Variants in MSI2 observed in about 807,000 individuals in gnomAD.
MSI2 encodes RNA-binding protein Musashi homolog 2.
In MSI2, 17 loss-of-function variants were observed where a neutral mutation model predicts 45.6. That is an observed-to-expected ratio of 0.37 (90% CI 0.26 to 0.56). The LOEUF is 0.56. Among genes scored for constraint, MSI2 ranks in the 20% least tolerant of loss-of-function variants. The pLI is 0.77. For missense variants in MSI2, 293 were observed against 444.2 expected (o/e 0.66, Z 3.06); for synonymous variants, 156 against 158.2 (o/e 0.99, Z 0.11).
intron 6 of MSI2, among the ~76,000 whole-genome samples, chr17:57,524,744 G>A (rs919600220): frequency 1.3e-5 from 2 of 152,194 alleles, no homozygotes; most frequent in African/African-American, 4.8e-5. Context: ...GAGAGAAGGG[G>A]AACAAAGAGA....
chr17:57,409,852 C>CA (rs1187699074), intron 6 of MSI2, among the ~76,000 whole-genome samples: 20 of 151,656 alleles, frequency 1.3e-4, no homozygotes, highest in Admixed American at 9.9e-4. Context: ...ACTAAAAATA[C>CA]AAAAAATTAA....
chr17:57,596,760 A>T lies in MSI2; in HGVS notation c.455-108A>T. 1 of 738,558 alleles carries T rather than the reference A, an allele frequency of 1.4e-6. No homozygotes were observed. Among genetic ancestry groups the T allele is most frequent in the Non-Finnish European group, 2.4e-6 (1 of 414,788 alleles). The allele number at this position is 738,558 out of a possible 1,614,324, so 45.8% of individuals were successfully genotyped here. On this transcript the variant is annotated intron_variant, in intron 7 of 13. Coordinates refer to ENST00000284073, the MANE Select transcript of MSI2 (RefSeq NM_138962.4). The surrounding 1 kb of genome is among the most constrained non-coding windows in gnomAD (Gnocchi z 4.6). ...CCCAAGGATCCGCCTACCTACCCCC[A>T]GACCAGGAGGCTGTCAAGACCTCAG...
chr17:57,454,891 G>T (rs182935770), intron 6 of MSI2, among the ~76,000 whole-genome samples: 3 of 152,188 alleles, frequency 2.0e-5, no homozygotes, highest in African/African-American at 7.2e-5. Context: ...GAGGGGTGCC[G>T]CTAGCATCAT....
At chr17:57,315,270 G>A (rs1032329487) in intron 5 of MSI2, among the ~76,000 whole-genome samples, 2 of 152,190 alleles carry the variant, frequency 1.3e-5, no homozygotes, top group Non-Finnish European at 2.9e-5. Context: ...CTTTGCCTGG[G>A]GCAGGTCAGG....
Position 57,652,245 on chromosome 17 carries a change from C to T in MSI2, c.790+84C>T. ...TCAAGGCCCTGTCGGATCTGTGTGG[C>T]TGCATCTGTCCAACACCACTCTCAC... On this transcript the variant is annotated intron_variant, in intron 11 of 13. Transcript: ENST00000284073. The surrounding 1 kb of genome is among the most constrained non-coding windows in gnomAD (Gnocchi z 4.1). The T allele has an allele frequency of 7.4e-7, 1 of 1,346,642 alleles. No individual in the cohort carries two copies. The highest frequency in any genetic ancestry group is 1.1e-6 in the Non-Finnish European group (1 of 943,960). 83.4% of individuals were successfully genotyped at this position (1,346,642 alleles called of 1,614,324 possible). A position where few individuals can be genotyped will look rare whatever the true frequency, so the allele number is the denominator to read the frequency against.
At chr17:57,528,201 C>T (rs1249827861) in intron 6 of MSI2, among the ~76,000 whole-genome samples, 1 of 152,050 alleles carries the variant, frequency 6.6e-6, no homozygotes. Context: ...CAGGTGCCCT[C>T]CCCCGGTGCG....
chr17:57,587,490 AT>A lies in MSI2; in HGVS notation c.455-9377del, dbSNP rs565727022. Among the ~76,000 whole-genome samples, 15 of 152,228 alleles carry A rather than the reference AT, an allele frequency of 9.9e-5. No homozygotes were observed. The South Asian group carries it at 3.1e-3, about 32-fold the overall frequency. On this transcript the variant is annotated intron_variant, in intron 7 of 13. Coordinates refer to ENST00000284073, the MANE Select transcript of MSI2 (RefSeq NM_138962.4). ...GCAGTTCCATGGAACTAGATTGGAA[AT>A]CTGATAGTGCCATTTCTGTTATCTG... is the stretch of plus-strand genomic sequence containing the variant.
intron 5 of MSI2, among the ~76,000 whole-genome samples, chr17:57,398,479 A>G (rs1727071411): frequency 6.6e-6 from 1 of 152,280 alleles, no homozygotes; most frequent in African/African-American, 2.4e-5. Flanking sequence ...GAAAGCATGT[A>G]GAGATGCAGG....
chr17:57,583,225 T>C (rs1435055828), intron 7 of MSI2, among the ~76,000 whole-genome samples: 1 of 152,224 alleles, frequency 6.6e-6, no homozygotes, highest in Admixed American at 6.5e-5. Flanking sequence ...GATCGCATAA[T>C]CTATACCTCC....
At chr17:57,319,690 G>A (rs1415804768) in intron 5 of MSI2, among the ~76,000 whole-genome samples, 1 of 152,170 alleles carries the variant, frequency 6.6e-6, no homozygotes, top group Non-Finnish European at 1.5e-5. Context: ...ATGGCTCACT[G>A]TAGCCTCGAC....
intron 11 of MSI2, among the ~76,000 whole-genome samples, chr17:57,666,935 T>C (rs1912411750): frequency 6.6e-6 from 1 of 152,204 alleles, no homozygotes; most frequent in African/African-American, 2.4e-5. Context: ...AGGACTGAAC[T>C]AGGAGAAACT....
intron 8 of MSI2, among the ~76,000 whole-genome samples, chr17:57,598,455 G>C (rs944417408): frequency 6.6e-6 from 1 of 152,076 alleles, no homozygotes. Context: ...AATATTGTTC[G>C]TATTGTTCCT....
intron 6 of MSI2, among the ~76,000 whole-genome samples, chr17:57,494,557 T>C (rs1331724752): frequency 6.6e-6 from 1 of 152,212 alleles, no homozygotes; most frequent in Non-Finnish European, 1.5e-5. Context: ...TTTAGCCTTA[T>C]AGAGAATGTT....
intron 5 of MSI2, among the ~76,000 whole-genome samples, chr17:57,366,461 C>G (rs1029390930): frequency 1.6e-4 from 24 of 152,162 alleles, no homozygotes; most frequent in African/African-American, 5.5e-4. Context: ...AAATTTCCAC[C>G]CCGTGAAGGA....
intron 7 of MSI2, among the ~76,000 whole-genome samples, chr17:57,573,255 C>A (rs145915867): frequency 6.6e-6 from 1 of 152,096 alleles, no homozygotes; most frequent in Non-Finnish European, 1.5e-5. Flanking sequence ...GCAATAATAG[C>A]GTTATAATAA....
At chr17:57,310,009 G>T (rs1027794439) in intron 5 of MSI2, among the ~76,000 whole-genome samples, 6 of 152,214 alleles carry the variant, frequency 3.9e-5, no homozygotes, top group South Asian at 2.1e-4. Flanking sequence ...TTTGGGCTTT[G>T]ATGAGTCAGT....
At chr17:57,621,003 C>T (rs979022143) in intron 9 of MSI2, among the ~76,000 whole-genome samples, 6 of 152,232 alleles carry the variant, frequency 3.9e-5, no homozygotes, top group Non-Finnish European at 7.3e-5. Flanking sequence ...CCCAGCTTGG[C>T]CCTCTGGGTC....
At chr17:57,289,926 G>C (rs1339694515) in intron 5 of MSI2, among the ~76,000 whole-genome samples, 2 of 152,266 alleles carry the variant, frequency 1.3e-5, no homozygotes, top group African/African-American at 4.8e-5. Flanking sequence ...AGGAGAACCA[G>C]ATGGCTTTAT....
At chr17:57,381,519 T>G (rs1030154795) in intron 5 of MSI2, among the ~76,000 whole-genome samples, 1 of 152,188 alleles carries the variant, frequency 6.6e-6, no homozygotes, top group African/African-American at 2.4e-5. Context: ...TTGTTCCCCC[T>G]GGTCCTTCTT....
Sources: gnomAD v4.1 joint callset for allele counts (sites outside exome capture counted in the v4.1 genomes callset) on GRCh38, gnomAD v4.1.1 for gene constraint, Gnocchi (gnomAD v3.1) non-coding constraint, MANE v1.5 for transcripts, NCBI Gene and HGNC (gene_info 2026-07-23, HGNC 2026-07-21) for gene names.